The following PPARGC1A variants were observed in gnomAD, a reference collection of about 807,000 sequenced individuals.
PPARGC1A encodes the protein peroxisome proliferator-activated receptor gamma coactivator 1-alpha.
PPARGC1A carries 25 observed loss-of-function variants against 88.7 expected under a neutral mutation model. The observed-to-expected ratio is 0.28, with a 90% confidence interval of 0.21 to 0.39. The LOEUF (loss-of-function observed/expected upper bound fraction) is 0.39, where lower values mean the gene tolerates loss of function less well. PPARGC1A is among the 10% of genes least tolerant of loss of function. The pLI is 1.00. For synonymous variants in PPARGC1A, 363 were observed against 355.6 expected, an observed-to-expected ratio of 1.02 and a Z score of -0.24; for missense variants, 880 against 968.7, an observed-to-expected ratio of 0.91 and a Z score of 1.22.
At chr4:24,436,720 C>A in the PPARGC1A span, among the ~76,000 whole-genome samples, 14 of 140,080 alleles carry the variant, frequency 1.0e-4, no homozygotes, top group Admixed American at 2.8e-4. Context: ...GAGCTGACAT[C>A]GATTGGCCAC....
the PPARGC1A span, among the ~76,000 whole-genome samples, chr4:23,912,074 ATTTT>A: frequency 6.6e-6 from 1 of 152,196 alleles, no homozygotes; most frequent in Non-Finnish European, 1.5e-5. Flanking sequence ...TGAGAAATGA[ATTTT>A]TTAAGTGGGG....
upstream of PPARGC1A, among the ~76,000 whole-genome samples, chr4:23,892,242 A>G (rs538471802): frequency 7.2e-5 from 11 of 152,298 alleles, no homozygotes; most frequent in South Asian, 1.4e-3. Context: ...AAATCAGCAC[A>G]TGCACTGAAA....
chr4:24,363,553 G>A, the PPARGC1A span, among the ~76,000 whole-genome samples: 2,525 of 152,148 alleles, frequency 0.017, 68 homozygotes, highest in African/African-American at 0.058. Context: ...TTTCTTTGTC[G>A]GATTTGGAAT....
the PPARGC1A span, among the ~76,000 whole-genome samples, chr4:24,397,079 G>A: frequency 0.23 from 35,615 of 152,090 alleles, 4,454 homozygotes; most frequent in African/African-American, 0.28. Context: ...CACATGAGAC[G>A]TGAACCAAAA....
chr4:24,001,138 A>G, the PPARGC1A span, among the ~76,000 whole-genome samples: 1 of 152,366 alleles, frequency 6.6e-6, no homozygotes, highest in East Asian at 1.9e-4. Context: ...GAAAATCCAT[A>G]TATCATGTTA....
chr4:24,235,969 G>C, the PPARGC1A span, among the ~76,000 whole-genome samples: 1 of 152,136 alleles, frequency 6.6e-6, no homozygotes, highest in Non-Finnish European at 1.5e-5. Flanking sequence ...TGACTATATG[G>C]ATTAACAATC....
At chr4:23,809,130 G>A (rs1300219107) in intron 10 of PPARGC1A, among the ~76,000 whole-genome samples, 1 of 152,072 alleles carries the variant, frequency 6.6e-6, no homozygotes, top group Non-Finnish European at 1.5e-5. Flanking sequence ...ACCAACTTAA[G>A]TCTGGACTGT....
chr4:24,110,456 C>A, the PPARGC1A span, among the ~76,000 whole-genome samples: 1 of 152,152 alleles, frequency 6.6e-6, no homozygotes, highest in Non-Finnish European at 1.5e-5. Context: ...AAAGTCTCAG[C>A]TCCTACTCTA....
chr4:24,044,023 A>G, the PPARGC1A span, among the ~76,000 whole-genome samples: 120 of 152,260 alleles, frequency 7.9e-4, no homozygotes, highest in African/African-American at 2.8e-3. Flanking sequence ...TGTGGCCTGG[A>G]AATGCCATAA....
At chr4:24,141,157 C>G in the PPARGC1A span, among the ~76,000 whole-genome samples, 22 of 152,312 alleles carry the variant, frequency 1.4e-4, no homozygotes, top group African/African-American at 5.3e-4. Flanking sequence ...AGAAAAAAAT[C>G]CCTTGCTCCA....
At chr4:24,257,093 C>T in the PPARGC1A span, among the ~76,000 whole-genome samples, 13 of 152,146 alleles carry the variant, frequency 8.5e-5, no homozygotes, top group African/African-American at 3.1e-4. Flanking sequence ...CAAGTAGAAC[C>T]CAAGGCAGAG....
chr4:24,003,895 C>T, the PPARGC1A span, among the ~76,000 whole-genome samples: 1 of 149,216 alleles, frequency 6.7e-6, no homozygotes, highest in Admixed American at 6.7e-5. Flanking sequence ...ATAACACATA[C>T]GAAAGTCCTT....
chr4:24,087,440 T>A, the PPARGC1A span, among the ~76,000 whole-genome samples: 1 of 152,178 alleles, frequency 6.6e-6, no homozygotes, highest in Non-Finnish European at 1.5e-5. Context: ...ATGGCCACAG[T>A]GTGGTGACAT....
chr4:23,987,659 A>G, the PPARGC1A span, among the ~76,000 whole-genome samples: 3 of 152,060 alleles, frequency 2.0e-5, no homozygotes, highest in Admixed American at 6.6e-5. Context: ...GTATTCTAGC[A>G]CATACACTTC....
At chr4:24,144,759 T>C in the PPARGC1A span, among the ~76,000 whole-genome samples, 1 of 152,044 alleles carries the variant, frequency 6.6e-6, no homozygotes, top group Non-Finnish European at 1.5e-5. Context: ...ATCTGGAGGT[T>C]AGAACTCAGT....
At chr4:24,214,181 T>C in the PPARGC1A span, among the ~76,000 whole-genome samples, 2 of 152,232 alleles carry the variant, frequency 1.3e-5, no homozygotes, top group Non-Finnish European at 1.5e-5. Context: ...TAATGCTACA[T>C]GGCAGCTCCT....
chr4:23,949,559 C>A, the PPARGC1A span, among the ~76,000 whole-genome samples: 5 of 152,162 alleles, frequency 3.3e-5, no homozygotes, highest in Non-Finnish European at 5.9e-5. Flanking sequence ...TGTGATCACT[C>A]GTTCCATCTG....
the PPARGC1A span, among the ~76,000 whole-genome samples, chr4:24,198,510 C>T: frequency 0.95 from 144,780 of 152,266 alleles, 68,877 homozygotes; most frequent in East Asian, 1. Context: ...TTAGACTTGC[C>T]GTTCCTTCTC....
upstream of PPARGC1A, among the ~76,000 whole-genome samples, chr4:23,906,341 G>A (rs565110304): frequency 2.0e-5 from 3 of 151,932 alleles, no homozygotes; most frequent in African/African-American, 4.8e-5. Flanking sequence ...AGCCGGGCGC[G>A]GTGGCTCATG....
Sources: gnomAD v4.1 joint callset for allele counts (sites outside exome capture counted in the v4.1 genomes callset) on GRCh38, gnomAD v4.1.1 for gene constraint, MANE v1.5 for transcripts, NCBI Gene and HGNC (gene_info 2026-07-23, HGNC 2026-07-21) for gene names.